GRID2: variants seen among roughly 807,000 people sequenced by gnomAD.
GRID2 encodes glutamate ionotropic receptor delta type subunit 2.
GRID2 carries 33 observed loss-of-function variants against 114.8 expected under a neutral mutation model. The observed-to-expected ratio is 0.29, with a 90% CI of 0.22 to 0.38. GRID2 has a LOEUF of 0.38. GRID2 is among the 10% of genes least tolerant of loss of function. The probability of loss-of-function intolerance (pLI) is 1.00; values close to 1 mark genes in which losing one functional copy is unlikely to be tolerated. For missense variants in GRID2, 1,184 were observed against 1,257.7 expected (o/e 0.94, Z 0.89); for synonymous variants, 505 against 449.9 (o/e 1.12, Z -1.55).
chr4:93,765,215 A>C (rs1479801521), intron 14 of GRID2, among the ~76,000 whole-genome samples: 2 of 152,174 alleles, frequency 1.3e-5, no homozygotes, highest in Non-Finnish European at 2.9e-5. Context: ...TTCCAGGAAC[A>C]CTAGATTTTG....
At chr4:93,197,322 C>T (rs1039534312) in intron 4 of GRID2, among the ~76,000 whole-genome samples, 8 of 152,090 alleles carry the variant, frequency 5.3e-5, no homozygotes, top group Non-Finnish European at 1.0e-4. Context: ...ACTCCTGTTT[C>T]GCTTTATGAT....
rs1754089912 is a variant in GRID2, at chr4:93,294,552, G to T, written c.1245+56062G>T. 1.3e-5 allele frequency among the ~76,000 whole-genome samples: 2 copies of T among 152,074 alleles called. 1 individual carries two copies. The highest frequency in any genetic ancestry group is 4.1e-4 in the South Asian group (2 of 4,822). ...AATAAGTAAAATATTATGGCACTTT[G>T]TTTTTTGATTCTGTTTGCTGGTTTG... On this transcript the variant is annotated intron_variant, in intron 8 of 15. Transcript: ENST00000282020.
At chr4:92,687,249 A>C (rs1212293232) in intron 2 of GRID2, among the ~76,000 whole-genome samples, 1 of 151,730 alleles carries the variant, frequency 6.6e-6, no homozygotes, top group Non-Finnish European at 1.5e-5. Flanking sequence ...TTCTTGTGCA[A>C]ACCTGCTCTT....
At chr4:92,493,006 GTAATTCCAGC>G (rs1187754602) in intron 1 of GRID2, among the ~76,000 whole-genome samples, 2 of 151,328 alleles carry the variant, frequency 1.3e-5, no homozygotes, top group Non-Finnish European at 2.9e-5. Flanking sequence ...GCACATGCTT[GTAATTCCAGC>G]TACTCATTAG....
chr4:92,666,655 T>TTTTTTTTG (rs1732798007), intron 2 of GRID2, among the ~76,000 whole-genome samples: 2 of 143,156 alleles, frequency 1.4e-5, no homozygotes, highest in Middle Eastern at 3.5e-3. Context: ...GGGTTGTTTT[T>TTTTTTTTG]TTTTTTTTTT....
chr4:93,607,281 T>A (rs1331195815), intron 13 of GRID2, among the ~76,000 whole-genome samples: 1 of 152,178 alleles, frequency 6.6e-6, no homozygotes, highest in African/African-American at 2.4e-5. Flanking sequence ...CTGGTCATTG[T>A]TGGTTTAAAA....
chr4:93,027,426 A>G (rs911098950), intron 2 of GRID2, among the ~76,000 whole-genome samples: 2 of 152,120 alleles, frequency 1.3e-5, no homozygotes, highest in Admixed American at 6.6e-5. Context: ...CAAGTAATAT[A>G]TATATCACAT....
chr4:92,795,182 C>T (rs970360956), intron 2 of GRID2, among the ~76,000 whole-genome samples: 10 of 151,528 alleles, frequency 6.6e-5, no homozygotes, highest in Admixed American at 5.9e-4. Context: ...GATTTGTCTG[C>T]AACCCCATTC....
At chr4:93,681,854 C>G (rs893794166) in intron 14 of GRID2, among the ~76,000 whole-genome samples, 7 of 152,092 alleles carry the variant, frequency 4.6e-5, no homozygotes, top group Non-Finnish European at 7.4e-5. Flanking sequence ...CATTACCATT[C>G]AGGACATAGG....
chr4:93,553,204 C>T (rs1401922489), intron 13 of GRID2, among the ~76,000 whole-genome samples: 2 of 152,122 alleles, frequency 1.3e-5, no homozygotes, highest in Non-Finnish European at 2.9e-5. Flanking sequence ...TGAGGAATCA[C>T]CACACTGTGG....
chr4:93,466,052 G>A (rs1460626870), intron 11 of GRID2, among the ~76,000 whole-genome samples: 1 of 152,028 alleles, frequency 6.6e-6, no homozygotes, highest in East Asian at 1.9e-4. Context: ...GTTTTGGGGG[G>A]ATTAATGTCC....
intron 8 of GRID2, among the ~76,000 whole-genome samples, chr4:93,239,257 C>CAT (rs1215037563): frequency 2.7e-5 from 4 of 147,714 alleles, no homozygotes; most frequent in East Asian, 2.0e-4. Flanking sequence ...GGAAATAAAT[C>CAT]ATATATATAT....
chr4:93,629,700 T>TA (rs1743072131), intron 14 of GRID2, among the ~76,000 whole-genome samples: 1 of 152,172 alleles, frequency 6.6e-6, no homozygotes, highest in Admixed American at 6.5e-5. Flanking sequence ...AATAATTCAA[T>TA]ATTACTTTTC....
At chr4:92,905,590 A>G (rs1254290868) in intron 2 of GRID2, among the ~76,000 whole-genome samples, 2 of 152,166 alleles carry the variant, frequency 1.3e-5, no homozygotes, top group African/African-American at 2.4e-5. Context: ...CCAGCTATTG[A>G]TGGCTACTGA....
chr4:93,707,499 T>C (rs1250217418), intron 14 of GRID2, among the ~76,000 whole-genome samples: 1 of 152,064 alleles, frequency 6.6e-6, no homozygotes, highest in Non-Finnish European at 1.5e-5. Flanking sequence ...TAGTTGCTCA[T>C]AGTAGTCTCT....
intron 7 of GRID2, among the ~76,000 whole-genome samples, chr4:93,227,244 A>G (rs1306306536): frequency 6.6e-6 from 1 of 151,880 alleles, no homozygotes; most frequent in Admixed American, 6.6e-5. Context: ...TATTATATAT[A>G]TATAATTTTT....
chr4:92,847,103 T>C (rs1326943097), intron 2 of GRID2, among the ~76,000 whole-genome samples: 1 of 152,090 alleles, frequency 6.6e-6, no homozygotes, highest in East Asian at 1.9e-4. Flanking sequence ...TTTTAAGAAA[T>C]GGAATATGTT....
intron 2 of GRID2, among the ~76,000 whole-genome samples, chr4:92,889,785 C>T (rs148306691): frequency 0.023 from 3,511 of 152,132 alleles, 62 homozygotes; most frequent in Admixed American, 0.04. Flanking sequence ...TCATATGGAA[C>T]CAAAAAAGAG....
chr4:93,337,497 A>C (rs1017709772), intron 8 of GRID2, among the ~76,000 whole-genome samples: 2 of 152,130 alleles, frequency 1.3e-5, no homozygotes, highest in Non-Finnish European at 2.9e-5. Context: ...GACAACCCCA[A>C]TCTTTTATAA....
Sources: allele counts gnomAD v4.1 joint callset (sites outside exome capture counted in the v4.1 genomes callset), GRCh38; gene constraint gnomAD v4.1.1; transcripts MANE v1.5; gene names NCBI Gene and HGNC (gene_info 2026-07-23, HGNC 2026-07-21).